RTTN: variants seen among roughly 807,000 people sequenced by gnomAD.
RTTN encodes the protein rotatin.
In RTTN, 182 loss-of-function variants were observed where a neutral mutation model predicts 269.2. That is an observed-to-expected ratio of 0.68 (90% CI 0.60 to 0.76). RTTN has a LOEUF of 0.76. Among genes scored for constraint, RTTN ranks in the 30% least tolerant of loss-of-function variants. The pLI is 0.00. For missense variants in RTTN, 2,545 were observed against 2,608.6 expected (o/e 0.98, Z 0.53); for synonymous variants, 1,006 against 963.5 (o/e 1.04, Z -0.82).
intron 23 of RTTN, chr18:70,129,215 A>G (rs910341989): frequency 3.9e-5 from 6 of 152,076 alleles, no homozygotes; most frequent in African/African-American, 1.2e-4. Flanking sequence ...TTCCTTTAAC[A>G]TGGTGAAATA....
At chr18:70,149,687 T>C (rs1420974201) in intron 16 of RTTN, among the ~76,000 whole-genome samples, 2 of 152,162 alleles carry the variant, frequency 1.3e-5, no homozygotes, top group Non-Finnish European at 2.9e-5. Context: ...AAAGCCTTTA[T>C]ATAAGGTTGA....
rs2057677116 is a variant in RTTN, at chr18:70,051,744, TCCCCTC to T, written c.5186-202_5186-197del. On this transcript the variant is annotated intron_variant, in intron 38 of 48. Transcript: ENST00000640769. ...CTTTTCCATTGCTTCTTAAGATATC[TCCCCTC>T]CACCCTCCTGCATATAAAGCCACAC... Among the ~76,000 whole-genome samples the T allele has an allele frequency of 2.0e-5, 3 of 152,198 alleles. No individual in the cohort carries two copies. The East Asian group carries it at 5.8e-4, about 29-fold the overall frequency.
At chr18:70,194,946 T>G (rs2061766767) in intron 7 of RTTN, among the ~76,000 whole-genome samples, 1 of 152,190 alleles carries the variant, frequency 6.6e-6, no homozygotes. Context: ...ATGGCATATT[T>G]TATATTATAC....
Position 70,149,887 on chromosome 18 carries a change from C to T in RTTN, c.2172+84G>A, listed in dbSNP as rs537497655. 180 of 936,038 alleles carry T rather than the reference C, an allele frequency of 1.9e-4. 1 individual carries two copies. The highest frequency in any genetic ancestry group is 9.4e-4 in the Middle Eastern group (3 of 3,184). 58.0% of individuals were successfully genotyped at this position (936,038 alleles called of 1,614,324 possible). On this transcript the variant is annotated intron_variant, in intron 16 of 48. Transcript: ENST00000640769. ...TCTCTTCATTTCTCTCACAACTTGA[C>T]AGTTTAGCTGTTTGCATGCATTTAA... is the stretch of plus-strand genomic sequence containing the variant.
chr18:70,088,101 T>G lies in RTTN; in HGVS notation c.4190A>C (p.Glu1397Ala), dbSNP rs72959893. ...GTTTGCTAAGGCCACACAGCCCGTT[T>G]CAAGGGTGGTCAGTGCTGATCCTAA... is the stretch of plus-strand genomic sequence containing the variant. ...LGLGSALTTL[E>A]TGCVALANSC... is the part of the protein sequence containing the mutation. The change falls in exon 31 of 49, where the codon GAA becomes GCA. Residue 1397 changes from glutamate to alanine, a missense_variant. Glu to Ala is a moderately radical substitution (Grantham distance 107). Transcript: ENST00000640769. 96 of 1,613,964 alleles carry G rather than the reference T, an allele frequency of 5.9e-5. No individual in the cohort carries two copies. Among genetic ancestry groups the G allele is most frequent in the Non-Finnish European group, 8.0e-5 (94 of 1,179,904 alleles).
At chr18:70,042,415 G>T (rs1007451798) in intron 40 of RTTN, among the ~76,000 whole-genome samples, 1 of 120,036 alleles carries the variant, frequency 8.3e-6, no homozygotes, top group African/African-American at 3.3e-5. Flanking sequence ...TCGCTCTGTC[G>T]CCCAGGATAG....
In RTTN at chr18:70,148,956, G is replaced by A; in HGVS notation, c.2254C>T (p.Pro752Ser). The change falls in exon 17 of 49, where the codon CCG becomes TCG. Residue 752 changes from proline (P) to serine (S), a missense_variant. Pro to Ser is a moderately conservative substitution (Grantham distance 74). Transcript: ENST00000640769. ...KASSDTEEML[P>S]CTTRLKSMLR... ...ATGGACTTTAATCGGGTAGTACACG[G>A]AAGCATCTCTTCTGTGTCAGAACTT... is the stretch of plus-strand genomic sequence containing the variant. 1.9e-6 allele frequency: 3 copies of A among 1,613,638 alleles called. No homozygotes were observed. The highest frequency in any genetic ancestry group is 2.5e-6 in the Non-Finnish European group (3 of 1,179,638).
intron 40 of RTTN, among the ~76,000 whole-genome samples, chr18:70,044,302 T>C (rs1029171056): frequency 2.0e-5 from 3 of 152,264 alleles, no homozygotes; most frequent in Admixed American, 1.3e-4. Context: ...TTTGCATTAC[T>C]ACTTTTAGAT....
intron 45 of RTTN, among the ~76,000 whole-genome samples, chr18:70,018,299 C>T (rs1411926052): frequency 6.6e-6 from 1 of 152,140 alleles, no homozygotes; most frequent in Non-Finnish European, 1.5e-5. Context: ...AATAAAGCCC[C>T]TTCCAAAAAA....
intron 40 of RTTN, among the ~76,000 whole-genome samples, chr18:70,042,176 A>G (rs974127729): frequency 2.0e-5 from 3 of 152,066 alleles, no homozygotes; most frequent in Non-Finnish European, 4.4e-5. Context: ...AGTACAGGGA[A>G]TGTCTCTGAA....
intron 44 of RTTN, 186 bp from the exon 45 acceptor site, chr18:70,021,003 G>A (rs756362245): frequency 2.1e-6 from 1 of 474,692 alleles, no homozygotes; most frequent in Non-Finnish European, 3.7e-6. Context: ...CCTCACTGAG[G>A]GCCTAATTAT....
At chr18:70,095,725 T>C (rs1445353607) in intron 28 of RTTN, among the ~76,000 whole-genome samples, 1 of 152,074 alleles carries the variant, frequency 6.6e-6, no homozygotes, top group African/African-American at 2.4e-5. Context: ...CTGCCCTTAA[T>C]ATATTTTCCT....
chr18:70,147,635 T>A (rs149407359), intron 17 of RTTN, among the ~76,000 whole-genome samples: 8 of 152,088 alleles, frequency 5.3e-5, no homozygotes, highest in African/African-American at 1.7e-4. Flanking sequence ...GATGGGTTGA[T>A]GGGATGGGGT....
At chr18:70,142,923 G>T (rs1484781847) in intron 18 of RTTN, among the ~76,000 whole-genome samples, 1 of 152,192 alleles carries the variant, frequency 6.6e-6, no homozygotes, top group Non-Finnish European at 1.5e-5. Flanking sequence ...TACTCGGGAG[G>T]CTGAGACAGG....
rs2060977639 is a variant in RTTN at position 70,166,085 on chromosome 18, G to A, written c.1906C>T (p.His636Tyr). ...ACCTTCGTGATTTCCAGACAGCAGT[G>A]GTAAGTTTCAGCTTTCACTCGTGGC... ...PLPRVKAETY[H>Y]CCLEITKECL... Residue 636 changes from histidine to tyrosine, a missense_variant, in exon 14 of 49, where the codon CAC becomes TAC. His to Tyr is a moderately conservative substitution (Grantham distance 83, BLOSUM62 2). Coordinates refer to ENST00000640769, the MANE Select transcript of RTTN (RefSeq NM_173630.4). 1.9e-6 allele frequency: 3 copies of A among 1,613,742 alleles called. No individual in the cohort carries two copies. In the East Asian group the frequency reaches 6.7e-5, roughly 36 times the overall value.
At chr18:70,173,485 C>A (rs2061199235) in intron 11 of RTTN, among the ~76,000 whole-genome samples, 1 of 135,912 alleles carries the variant, frequency 7.4e-6, no homozygotes, top group Non-Finnish European at 1.5e-5. Context: ...GAGCAAGACT[C>A]CAACTCAAAA....
chr18:70,008,597 A>G (rs1293205057), intron 46 of RTTN: 1 of 152,004 alleles, frequency 6.6e-6, no homozygotes, highest in African/African-American at 2.4e-5. Context: ...TAGCATGAGA[A>G]CTTCGTGAAG....
At chr18:70,097,810 C>A (rs1453826098) in intron 28 of RTTN, among the ~76,000 whole-genome samples, 1 of 152,204 alleles carries the variant, frequency 6.6e-6, no homozygotes. Flanking sequence ...AATACATTAA[C>A]AGTTCATTTC....
At chr18:70,076,845 G>C (rs2145087582) in intron 32 of RTTN, among the ~76,000 whole-genome samples, 1 of 152,034 alleles carries the variant, frequency 6.6e-6, no homozygotes, top group African/African-American at 2.4e-5. Flanking sequence ...ATATGTTACA[G>C]GTACTGGCGC....
Sources: gnomAD v4.1 joint callset for allele counts (sites outside exome capture counted in the v4.1 genomes callset) on GRCh38, gnomAD v4.1.1 for gene constraint, MANE v1.5 for transcripts, NCBI Gene and HGNC (gene_info 2026-07-23, HGNC 2026-07-21) for gene names.